The following ZPBP2 variants were observed in gnomAD, a reference collection of about 807,000 sequenced individuals.
ZPBP2 encodes the protein zona pellucida-binding protein 2.
ZPBP2 carries 34 observed loss-of-function variants against 37.5 expected under a neutral mutation model. That is an observed-to-expected ratio of 0.91 (90% CI 0.69 to 1.21). ZPBP2 has a LOEUF of 1.21. Among genes scored for constraint, ZPBP2 ranks in the 50% most tolerant of loss-of-function variants. The pLI, the probability that ZPBP2 is intolerant of heterozygous loss-of-function variation, is 0.00. For synonymous variants in ZPBP2, 143 were observed against 138.4 expected (o/e 1.03, Z -0.23); for missense variants, 397 against 413.5 (o/e 0.96, Z 0.35).
chr17:39,870,765 GA>G lies in ZPBP2; in HGVS notation c.193del (p.Ile65Ter). Reference sequence around the variant, plus strand: ...TATGGATTTTAAGCTTTCTAAAAAAGAAATAGTGGACCCCACCTACTTATGG... The same window carrying G: ...TATGGATTTTAAGCTTTCTAAAAAAGAATAGTGGACCCCACCTACTTATGG... ...ICMDFKLSKK[E>X]IVDPTYLWIG... On this transcript the variant is annotated frameshift_variant, in exon 3 of 8. Transcript: ENST00000348931. LOFTEE classifies it high-confidence loss of function. 1.3e-6 allele frequency: 2 copies of G among 1,571,884 alleles called. No homozygotes were observed. Among genetic ancestry groups the G allele is most frequent in the East Asian group, 2.3e-5 (1 of 44,340 alleles).
At position 39,868,478 on chromosome 17, in the gene ZPBP2, C is replaced by T; in HGVS notation, c.53-71C>T. 7 of 1,612,724 alleles carry T rather than the reference C, an allele frequency of 4.3e-6. No homozygotes were observed. In the East Asian group the frequency reaches 6.7e-5, roughly 15 times the overall value. On this transcript the variant is annotated intron_variant, in intron 1 of 7. Coordinates refer to ENST00000348931, the MANE Select transcript of ZPBP2 (RefSeq NM_199321.3). ...CTTCCCGGTCCTGCCTCCTTCGCCTCGCCCTGCCCTGCCCGACTCTGAACC... is the reference window on the plus strand; with the variant it reads ...CTTCCCGGTCCTGCCTCCTTCGCCTTGCCCTGCCCTGCCCGACTCTGAACC...
In ZPBP2 at chr17:39,868,569, T is replaced by C; in HGVS notation, c.73T>C (p.Leu25=). The C allele has an allele frequency of 1.9e-6, 3 of 1,614,196 alleles. No individual in the cohort carries two copies. Among genetic ancestry groups the C allele is most frequent in the Non-Finnish European group, 1.7e-6 (2 of 1,180,036 alleles). The change falls in exon 2 of 8, where the codon TTA becomes CTA. Residue 25 remains leucine (L), a synonymous_variant. Coordinates refer to ENST00000348931, the MANE Select transcript of ZPBP2 (RefSeq NM_199321.3). ...LTGVQCPRFT[L]FNKKGFIYGK... ...CGCAGTCCAATGCCCGCGTTTTACC[T>C]TATTCAATAAGAAGGGCTTCATTTA... is the stretch of plus-strand genomic sequence containing the variant.
chr17:39,868,558 C>G lies in ZPBP2; in HGVS notation c.62C>G (p.Pro21Arg). 2 of 1,614,060 alleles carry G rather than the reference C, an allele frequency of 1.2e-6. No individual in the cohort carries two copies. Among genetic ancestry groups the G allele is most frequent in the South Asian group, 1.1e-5 (1 of 91,086 alleles). Residue 21 changes from proline (P) to arginine (R), a missense_variant, in exon 2 of 8, where the codon CCG becomes CGG. By Grantham distance (103) the Pro-to-Arg change is moderately radical. Coordinates refer to ENST00000348931, the MANE Select transcript of ZPBP2 (RefSeq NM_199321.3). ...VLWCLTGVQC[P>R]RFTLFNKKGF... Reference sequence around the variant, plus strand: ...TTTATTTCCTCCGCAGTCCAATGCCCGCGTTTTACCTTATTCAATAAGAAG... The same window carrying G: ...TTTATTTCCTCCGCAGTCCAATGCCGGCGTTTTACCTTATTCAATAAGAAG...
At chr17:39,868,935 C>T (rs1425906959) in intron 2 of ZPBP2, among the ~76,000 whole-genome samples, 1 of 152,136 alleles carries the variant, frequency 6.6e-6, no homozygotes, top group African/African-American at 2.4e-5. Flanking sequence ...ATTTCCAAGG[C>T]CTTCTGTTTG....
chr17:39,871,332 GATTT>G, intron 3 of ZPBP2, 128 bp from the exon 4 acceptor site: 1 of 536,034 alleles, frequency 1.9e-6, no homozygotes, highest in Admixed American at 3.7e-5. Context: ...ACAGAATTAA[GATTT>G]TGTGGGATCC....
chr17:39,871,505 G>C lies in ZPBP2; in HGVS notation c.286G>C (p.Val96Leu). The C allele has an allele frequency of 6.2e-7, 1 of 1,606,330 alleles. No homozygotes were observed. The highest frequency in any genetic ancestry group is 8.5e-7 in the Non-Finnish European group (1 of 1,176,656). The change falls in exon 4 of 8, where the codon GTG (valine) becomes CTG (leucine). Residue 96 changes from valine (V) to leucine (L), a missense_variant. Coordinates refer to ENST00000348931, the MANE Select transcript of ZPBP2 (RefSeq NM_199321.3). ...TATAACTGAAACTGGACAGCTGATGGTGAAAGATTTTTTGGAGCCTTTGTC... is the reference window on the plus strand; with the variant it reads ...TATAACTGAAACTGGACAGCTGATGCTGAAAGATTTTTTGGAGCCTTTGTC... ...INITETGQLM[V>L]KDFLEPLSGL... is the part of the protein sequence containing the mutation.
chr17:39,876,772 C>G lies in ZPBP2; in HGVS notation c.980C>G (p.Pro327Arg). Residue 327 changes from proline to arginine, a missense_variant, in exon 8 of 8, where the codon CCA becomes CGA. Pro to Arg is a moderately radical substitution (Grantham distance 103). Transcript: ENST00000348931. Reference protein sequence around the residue: ...SVLTYGAKSCPQTSNKNQQYE... With the variant: ...SVLTYGAKSCRQTSNKNQQYE... ...CTTACCTATGGAGCTAAATCTTGCC[C>G]ACAAACTTCAAACAAAAATCAGCAA... 6.2e-7 allele frequency: 1 copy of G among 1,613,798 alleles called. No homozygotes were observed. Among genetic ancestry groups the G allele is most frequent in the Non-Finnish European group, 8.5e-7 (1 of 1,179,870 alleles).
chr17:39,871,100 ATAAC>A (rs1482593576), intron 3 of ZPBP2, among the ~76,000 whole-genome samples: 1 of 152,132 alleles, frequency 6.6e-6, no homozygotes, highest in East Asian at 1.9e-4. Context: ...AGGAGATGAA[ATAAC>A]TAATATATAA....
intron 6 of ZPBP2, 61 bp from the exon 7 acceptor site, chr17:39,875,193 G>T (rs1262235696): frequency 6.2e-6 from 9 of 1,446,764 alleles, no homozygotes; most frequent in Non-Finnish European, 8.6e-6. Context: ...TGTGATACTG[G>T]AGGATAAATT....
intron 6 of ZPBP2, among the ~76,000 whole-genome samples, chr17:39,873,811 A>G (rs1319988132): frequency 6.6e-6 from 1 of 152,092 alleles, no homozygotes; most frequent in East Asian, 1.9e-4. Context: ...GGCAAAGGAC[A>G]TAGTCTTAAA....
At chr17:39,869,707 C>CTTTT (rs59544817) in intron 2 of ZPBP2, among the ~76,000 whole-genome samples, 42 of 92,988 alleles carry the variant, frequency 4.5e-4, no homozygotes, top group African/African-American at 1.5e-3. Context: ...ACCAGCCAAT[C>CTTTT]TTTTTTTTTT....
At chr17:39,873,156 T>G in intron 6 of ZPBP2, 30 bp downstream of exon 6, 1 of 1,595,088 alleles carries the variant, frequency 6.3e-7, no homozygotes. Context: ...GAAGAAGTAT[T>G]TGTCTTTTTC....
chr17:39,877,151 T>A lies in ZPBP2; in HGVS notation c.*342T>A, dbSNP rs2063394274. On this transcript the variant is annotated 3_prime_UTR_variant, in exon 8 of 8. Transcript: ENST00000348931. ...TAAAAATTGTATACTCTCCATATAT[T>A]TATTTGTTTGGAATCACTCTTGTGT... The A allele has an allele frequency of 5.9e-6, 1 of 168,642 alleles. No individual in the cohort carries two copies. The highest frequency in any genetic ancestry group is 5.8e-5 in the Admixed American group (1 of 17,358). The allele number at this position is 168,642 out of a possible 1,614,324, so 10.4% of individuals were successfully genotyped here. A position where few individuals can be genotyped will look rare whatever the true frequency, so the allele number is the denominator to read the frequency against.
rs1460554471 is a variant in ZPBP2, at chr17:39,868,547, A to G, written c.53-2A>G. 2.5e-6 allele frequency: 4 copies of G among 1,613,940 alleles called. No individual in the cohort carries two copies. Among genetic ancestry groups the G allele is most frequent in the East Asian group, 2.2e-5 (1 of 44,882 alleles). ...AAAGTCAGTGTTTTATTTCCTCCGC[A>G]GTCCAATGCCCGCGTTTTACCTTAT... is the stretch of plus-strand genomic sequence containing the variant. On this transcript the variant is annotated splice_acceptor_variant, in intron 1 of 7. Transcript: ENST00000348931. LOFTEE classifies it high-confidence loss of function.
chr17:39,876,658 T>C, intron 7 of ZPBP2, 24 bp from the exon 8 acceptor site: 1 of 1,611,474 alleles, frequency 6.2e-7, no homozygotes, highest in East Asian at 2.2e-5. Flanking sequence ...AAATTATAAT[T>C]ACTCCCTGTG....
intron 7 of ZPBP2, 21 bp from the exon 8 acceptor site, chr17:39,876,661 T>C (rs750378855): frequency 6.8e-6 from 11 of 1,612,306 alleles, no homozygotes; most frequent in Non-Finnish European, 8.5e-6. Context: ...TTATAATTAC[T>C]CCCTGTGTTT....
At chr17:39,868,730 A>C in intron 2 of ZPBP2, 116 bp downstream of exon 2, 1 of 1,158,182 alleles carries the variant, frequency 8.6e-7, no homozygotes, top group Non-Finnish European at 1.3e-6. Context: ...AGCATCTATT[A>C]TACTAAGCAT....
At position 39,871,475 on chromosome 17, in the gene ZPBP2, A is replaced by C. The variant is rs1434110113; in HGVS notation, c.256A>C (p.Ile86Leu). Residue 86 changes from isoleucine (I) to leucine (L), a missense_variant, in exon 4 of 8, where the codon ATA becomes CTA. By Grantham distance (5) the Ile-to-Leu change is conservative. Coordinates refer to ENST00000348931, the MANE Select transcript of ZPBP2 (RefSeq NM_199321.3). ...NEKTLTGNNRINITETGQLMV... is the reference protein window; with the variant it reads ...NEKTLTGNNRLNITETGQLMV... ...ACTATTCTGTTTAGGAAATAATAGA[A>C]TAAATATAACTGAAACTGGACAGCT... The C allele has an allele frequency of 6.3e-7, 1 of 1,586,442 alleles. No individual in the cohort carries two copies. The highest frequency in any genetic ancestry group is 1.8e-5 in the Admixed American group (1 of 54,380).
Position 39,876,946 on chromosome 17 carries a change from A to AAGT in ZPBP2, c.*138_*139insGTA. On this transcript the variant is annotated 3_prime_UTR_variant, in exon 8 of 8. Coordinates refer to ENST00000348931, the MANE Select transcript of ZPBP2 (RefSeq NM_199321.3). The stretch of plus-strand genomic sequence containing the variant: ...GAAAACATGCATTTTGGAAACTTTA[A>AAGT]AATAAATGGTTAACATGGCATTTCT... The AAGT allele has an allele frequency of 9.3e-7, 1 of 1,075,040 alleles. No homozygotes were observed. Among genetic ancestry groups the AAGT allele is most frequent in the Non-Finnish European group, 1.3e-6 (1 of 747,476 alleles). 66.6% of individuals were successfully genotyped at this position (1,075,040 alleles called of 1,614,324 possible). A position where few individuals can be genotyped will look rare whatever the true frequency, so the allele number is the denominator to read the frequency against.
Sources: allele counts gnomAD v4.1 joint callset (sites outside exome capture counted in the v4.1 genomes callset), GRCh38; gene constraint gnomAD v4.1.1; transcripts MANE v1.5; gene names NCBI Gene and HGNC (gene_info 2026-07-23, HGNC 2026-07-21).